The following GALNT14 variants were observed in gnomAD, a reference collection of about 807,000 sequenced individuals.
The protein encoded by GALNT14 is polypeptide N-acetylgalactosaminyltransferase 14.
Under a neutral mutation model 77.5 loss-of-function variants are expected in GALNT14, and 60 were observed. The observed-to-expected ratio is 0.77, with a 90% CI of 0.63 to 0.96. The LOEUF (loss-of-function observed/expected upper bound fraction) is 0.96. Among genes scored for constraint, GALNT14 ranks in the 40% least tolerant of loss-of-function variants. The probability of loss-of-function intolerance (pLI) is 0.00; values close to 1 mark genes in which losing one functional copy is unlikely to be tolerated. For synonymous variants in GALNT14, 280 were observed against 281.7 expected (o/e 0.99, Z 0.06); for missense variants, 710 against 731.0 (o/e 0.97, Z 0.33).
At chr2:30,978,028 C>T (rs2148369531) in intron 2 of GALNT14, among the ~76,000 whole-genome samples, 1 of 152,312 alleles carries the variant, frequency 6.6e-6, no homozygotes, top group South Asian at 2.1e-4. Context: ...CCTCTCCCGA[C>T]CTTCAGAGCC....
chr2:31,046,559 T>A (rs996536107), intron 1 of GALNT14, among the ~76,000 whole-genome samples: 3 of 152,130 alleles, frequency 2.0e-5, no homozygotes, highest in Non-Finnish European at 4.4e-5. Context: ...ACTACACATA[T>A]ATACATCCAG....
At chr2:31,073,942 G>C (rs1335560609) in intron 1 of GALNT14, among the ~76,000 whole-genome samples, 1 of 152,206 alleles carries the variant, frequency 6.6e-6, no homozygotes, top group African/African-American at 2.4e-5. Context: ...CAGGGCCTCT[G>C]CCTTAGACCA....
At chr2:30,908,596 G>A (rs1188995722), downstream of GALNT14, among the ~76,000 whole-genome samples, 14 of 140,998 alleles carry the variant, frequency 9.9e-5, no homozygotes, top group Admixed American at 9.2e-4. Context: ...ATGCTCATGG[G>A]TAGGAAGAAT....
chr2:31,072,863 G>A (rs181055067), intron 1 of GALNT14, among the ~76,000 whole-genome samples: 1 of 152,264 alleles, frequency 6.6e-6, no homozygotes, highest in Non-Finnish European at 1.5e-5. Flanking sequence ...GTCTACTTGT[G>A]CCTTCTTTGA....
At chr2:30,985,990 T>C (rs1573095055) in intron 2 of GALNT14, among the ~76,000 whole-genome samples, 2 of 152,186 alleles carry the variant, frequency 1.3e-5, no homozygotes, top group Admixed American at 1.3e-4. Flanking sequence ...TGATGATCTT[T>C]GGCAGCCATT....
At chr2:31,108,656 T>G (rs949469916) in intron 1 of GALNT14, among the ~76,000 whole-genome samples, 8 of 152,230 alleles carry the variant, frequency 5.3e-5, no homozygotes, top group Non-Finnish European at 1.2e-4. Flanking sequence ...AAATAATCCT[T>G]TGAAATCATA....
At chr2:31,058,348 A>C (rs1674370077) in intron 1 of GALNT14, among the ~76,000 whole-genome samples, 1 of 151,856 alleles carries the variant, frequency 6.6e-6, no homozygotes, top group Non-Finnish European at 1.5e-5. Flanking sequence ...CGTCAAGCGG[A>C]GAGCAGGGTG....
At chr2:31,043,869 T>C (rs2886302) in intron 1 of GALNT14, among the ~76,000 whole-genome samples, 107,885 of 151,976 alleles carry the variant, frequency 0.71, 38,740 homozygotes, top group East Asian at 0.98. Flanking sequence ...AGTGGAACCA[T>C]AGATACAACA....
At chr2:30,899,000 G>A in the GALNT14 span, among the ~76,000 whole-genome samples, 1 of 152,186 alleles carries the variant, frequency 6.6e-6, no homozygotes, top group Non-Finnish European at 1.5e-5. Context: ...CTCTTGAGCT[G>A]AAGCGCAGGC....
At chr2:31,036,348 A>G (rs932760784) in intron 1 of GALNT14, among the ~76,000 whole-genome samples, 4 of 152,214 alleles carry the variant, frequency 2.6e-5, no homozygotes, top group Non-Finnish European at 1.5e-5. Context: ...TTAAAACAGT[A>G]TAGTTTGAAT....
At chr2:31,057,316 T>A (rs1029730730) in intron 1 of GALNT14, among the ~76,000 whole-genome samples, 16 of 137,792 alleles carry the variant, frequency 1.2e-4, no homozygotes, top group East Asian at 4.2e-4. Flanking sequence ...TATATATATA[T>A]AAAATTATAT....
At chr2:31,130,708 C>G (rs537634215) in intron 1 of GALNT14, among the ~76,000 whole-genome samples, 111 of 150,268 alleles carry the variant, frequency 7.4e-4, no homozygotes, top group African/African-American at 2.5e-3. Flanking sequence ...ATTGCAGGAG[C>G]TCCTGCAGAA....
At chr2:30,899,551 G>T in the GALNT14 span, among the ~76,000 whole-genome samples, 3 of 151,702 alleles carry the variant, frequency 2.0e-5, no homozygotes, top group Non-Finnish European at 4.4e-5. Context: ...CAGCATAGAA[G>T]ATGCGTCTCT....
At chr2:30,897,450 G>A in the GALNT14 span, among the ~76,000 whole-genome samples, 1 of 152,228 alleles carries the variant, frequency 6.6e-6, no homozygotes, top group African/African-American at 2.4e-5. Context: ...AGGCTGAAGA[G>A]AGGCAGAATT....
Position 30,992,903 on chromosome 2 carries a change from A to C in GALNT14, c.234T>G (p.Ala78=). 1 of 1,614,148 alleles carries C rather than the reference A, an allele frequency of 6.2e-7. No homozygotes were observed. Among genetic ancestry groups the C allele is most frequent in the East Asian group, 2.2e-5 (1 of 44,868 alleles). The stretch of plus-strand genomic sequence containing the variant: ...TCCGCTCACTCTCCCGCTGGTTGAA[A>C]GCATACAGCTTATAGGGGTCGTCAC... ...RVGDDPYKLY[A]FNQRESERIS... is the part of the protein sequence containing the mutation. The change falls in exon 2 of 15, where the codon GCT becomes GCG. Residue 78 remains alanine (A), a synonymous_variant. Transcript: ENST00000349752.
the GALNT14 span, among the ~76,000 whole-genome samples, chr2:30,899,734 G>T: frequency 2.6e-5 from 4 of 152,176 alleles, no homozygotes; most frequent in Non-Finnish European, 4.4e-5. Context: ...CACTGTGACG[G>T]CTTCATTAAA....
chr2:31,071,185 C>A (rs1003699126), intron 1 of GALNT14, among the ~76,000 whole-genome samples: 2 of 152,086 alleles, frequency 1.3e-5, no homozygotes, highest in Non-Finnish European at 2.9e-5. Context: ...CAACATCTCA[C>A]AAATCACCAC....
intron 1 of GALNT14, among the ~76,000 whole-genome samples, chr2:31,119,452 T>C (rs1678276266): frequency 6.6e-6 from 1 of 152,112 alleles, no homozygotes; most frequent in African/African-American, 2.4e-5. Flanking sequence ...GCAATAAACA[T>C]ATGAGAACAT....
chr2:30,957,921 T>C (rs1020107145), intron 4 of GALNT14, among the ~76,000 whole-genome samples: 3 of 152,210 alleles, frequency 2.0e-5, no homozygotes, highest in Non-Finnish European at 4.4e-5. Flanking sequence ...TCAAATTTGA[T>C]GCACAGTGTC....
Sources: allele counts gnomAD v4.1 joint callset (sites outside exome capture counted in the v4.1 genomes callset), GRCh38; gene constraint gnomAD v4.1.1; transcripts MANE v1.5; gene names NCBI Gene and HGNC (gene_info 2026-07-23, HGNC 2026-07-21).